The following BEND6 variants were observed in gnomAD, a reference collection of about 807,000 sequenced individuals.
The protein encoded by BEND6 is BEN domain containing 6.
A neutral mutation model predicts 31.8 loss-of-function variants in BEND6; 24 were observed. The observed-to-expected ratio is 0.75, with a 90% CI of 0.55 to 1.06. The LOEUF (loss-of-function observed/expected upper bound fraction) is 1.06, where lower values mean the gene tolerates loss of function less well. BEND6 is among the 50% of genes least tolerant of loss of function. The pLI, the probability that BEND6 is intolerant of heterozygous loss-of-function variation, is 0.00. For synonymous variants in BEND6, 109 were observed against 114.6 expected (o/e 0.95, Z 0.31); for missense variants, 294 against 327.4 (o/e 0.90, Z 0.79).
intron 6 of BEND6, among the ~76,000 whole-genome samples, chr6:57,022,750 T>A (rs1431307751): frequency 1.3e-5 from 2 of 152,202 alleles, no homozygotes; most frequent in Non-Finnish European, 2.9e-5. Context: ...CTTTCTACTT[T>A]TTTGATATAG....
At chr6:57,015,843 G>A (rs1435992521) in intron 4 of BEND6, among the ~76,000 whole-genome samples, 7 of 151,290 alleles carry the variant, frequency 4.6e-5, no homozygotes, top group Non-Finnish European at 7.4e-5. Context: ...GGCATAAGGC[G>A]CTTGACCTAG....
chr6:56,962,537 A>G (rs1825327424), intron 1 of BEND6, among the ~76,000 whole-genome samples: 2 of 152,198 alleles, frequency 1.3e-5, no homozygotes, highest in South Asian at 4.1e-4. Flanking sequence ...ACATTCATGC[A>G]TTCCACACAG....
At chr6:57,009,737 G>C (rs2122957) in intron 3 of BEND6, 151,884 of 152,340 alleles carry the variant, frequency 1, 75,720 homozygotes, top group Middle Eastern at 1. Context: ...GTTTGAGCAT[G>C]AATAAGAATG....
intron 1 of BEND6, among the ~76,000 whole-genome samples, chr6:56,956,955 G>A (rs1472710451): frequency 6.6e-6 from 1 of 152,188 alleles, no homozygotes; most frequent in Non-Finnish European, 1.5e-5. Flanking sequence ...GCAGACATTG[G>A]GGGAAATAAC....
intron 1 of BEND6, among the ~76,000 whole-genome samples, chr6:56,975,182 G>C (rs113754226): frequency 6.6e-6 from 1 of 152,068 alleles, no homozygotes; most frequent in East Asian, 1.9e-4. Flanking sequence ...CTGATCAGCT[G>C]TCCAGAGTTC....
chr6:57,013,651 A>T (rs1165117070), intron 3 of BEND6, among the ~76,000 whole-genome samples: 1 of 152,182 alleles, frequency 6.6e-6, no homozygotes, highest in East Asian at 1.9e-4. Context: ...GGAGCTCATG[A>T]TGAGTGGCGA....
At chr6:56,988,019 CTTT>C (rs34912760) in intron 2 of BEND6, among the ~76,000 whole-genome samples, 6 of 139,030 alleles carry the variant, frequency 4.3e-5, no homozygotes, top group Admixed American at 2.2e-4. Context: ...TTTTTTCTTT[CTTT>C]TTTTTTTTTT....
rs112141497 is a variant in BEND6 at position 56,994,766 on chromosome 6, A to C, written c.298+2211A>C. On this transcript the variant is annotated intron_variant, in intron 3 of 6. Transcript: ENST00000370746. Reference sequence around the variant, plus strand: ...TGACACATAATCCATCCCCCAAAAAACTGTAGGCTAAATTTCATTATAAAT... The same window carrying C: ...TGACACATAATCCATCCCCCAAAAACCTGTAGGCTAAATTTCATTATAAAT... Among the ~76,000 whole-genome samples, 8 of 152,256 alleles carry C rather than the reference A, an allele frequency of 5.3e-5. No homozygotes were observed. In the South Asian group the frequency reaches 1.7e-3, roughly 32 times the overall value.
At chr6:56,982,036 C>T in intron 2 of BEND6, 106 bp downstream of exon 2, 1 of 1,205,180 alleles carries the variant, frequency 8.3e-7, no homozygotes, top group Non-Finnish European at 1.1e-6. Context: ...TTATTTAATT[C>T]TTTTCATTTC....
In BEND6 at chr6:57,026,809, T is replaced by G. The variant is rs901230069; in HGVS notation, c.*737T>G. On this transcript the variant is annotated 3_prime_UTR_variant, in exon 7 of 7. Coordinates refer to ENST00000370746, the MANE Select transcript of BEND6 (RefSeq NM_152731.3). ...GCATCAATTTTCAGGGAAATCTTTT[T>G]GTTTGTTTATTTACCAGACATGTTC... The G allele has an allele frequency of 1.3e-5, 2 of 152,206 alleles. No individual in the cohort carries two copies. Among genetic ancestry groups the G allele is most frequent in the African/African-American group, 4.8e-5 (2 of 41,464 alleles). 9.4% of individuals were successfully genotyped at this position (152,206 alleles called of 1,614,324 possible).
intron 6 of BEND6, among the ~76,000 whole-genome samples, 165 bp from the exon 7 acceptor site, chr6:57,025,917 G>A (rs76666660): frequency 6.6e-6 from 1 of 152,014 alleles, no homozygotes; most frequent in East Asian, 1.9e-4. Flanking sequence ...AGGGAGTGAA[G>A]CCAGCTTGCT....
At chr6:56,979,568 A>T (rs1357593192) in intron 1 of BEND6, among the ~76,000 whole-genome samples, 1 of 152,218 alleles carries the variant, frequency 6.6e-6, no homozygotes, top group Non-Finnish European at 1.5e-5. Context: ...GAACATTTGC[A>T]ATTGATTTTG....
intron 2 of BEND6, among the ~76,000 whole-genome samples, chr6:56,982,614 G>C (rs1290679643): frequency 6.6e-6 from 1 of 151,874 alleles, no homozygotes; most frequent in Non-Finnish European, 1.5e-5. Flanking sequence ...ATATGTCTCT[G>C]TAATGTAGTG....
intron 1 of BEND6, among the ~76,000 whole-genome samples, chr6:56,962,424 C>T (rs1311392385): frequency 6.6e-6 from 1 of 152,210 alleles, no homozygotes; most frequent in Non-Finnish European, 1.5e-5. Flanking sequence ...GACTGTTTCA[C>T]TCCAGTGGGC....
At chr6:56,979,722 T>C (rs1264150404) in intron 1 of BEND6, among the ~76,000 whole-genome samples, 1 of 152,244 alleles carries the variant, frequency 6.6e-6, no homozygotes, top group Non-Finnish European at 1.5e-5. Context: ...TTGTCTTCTC[T>C]CTTGCTATGT....
intron 3 of BEND6, 118 bp from the exon 4 acceptor site, chr6:57,015,015 T>C (rs1383012860): frequency 1.4e-6 from 1 of 720,172 alleles, no homozygotes; most frequent in African/African-American, 1.9e-5. Flanking sequence ...TTTCCAAAGA[T>C]AGCAAATGTT....
At chr6:56,964,905 G>T (rs1825415644) in intron 1 of BEND6, among the ~76,000 whole-genome samples, 1 of 152,114 alleles carries the variant, frequency 6.6e-6, no homozygotes, top group African/African-American at 2.4e-5. Flanking sequence ...GCCTCAGCTG[G>T]CTTAAAGAGA....
chr6:57,025,675 T>C lies in BEND6; in HGVS notation c.*10-407T>C, dbSNP rs116045288. On this transcript the variant is annotated intron_variant, in intron 6 of 6. Coordinates refer to ENST00000370746, the MANE Select transcript of BEND6 (RefSeq NM_152731.3). ...TCCACCTTGATCTCACTTTTTGCAGTGTAGAAACTGAGTCAGGAAGAAATT... is the reference window on the plus strand; with the variant it reads ...TCCACCTTGATCTCACTTTTTGCAGCGTAGAAACTGAGTCAGGAAGAAATT... Among the ~76,000 whole-genome samples the C allele has an allele frequency of 4.1e-3, 625 of 152,326 alleles. 3 individuals carry two copies. Among genetic ancestry groups the C allele is most frequent in the African/African-American group, 0.014 (570 of 41,568 alleles).
intron 6 of BEND6, among the ~76,000 whole-genome samples, chr6:57,023,348 T>G (rs534455027): frequency 6.6e-6 from 1 of 152,260 alleles, no homozygotes; most frequent in Non-Finnish European, 1.5e-5. Context: ...AGCCTCTTGC[T>G]GAAATGACTT....
Sources: allele counts gnomAD v4.1 joint callset (sites outside exome capture counted in the v4.1 genomes callset), GRCh38; gene constraint gnomAD v4.1.1; transcripts MANE v1.5; gene names NCBI Gene and HGNC (gene_info 2026-07-23, HGNC 2026-07-21).